The following YTHDC1 variants were observed in gnomAD, a reference collection of about 807,000 sequenced individuals.
YTHDC1 encodes the protein YTH domain-containing protein 1.
Under a neutral mutation model 107.0 loss-of-function variants are expected in YTHDC1, and 12 were observed. That is an observed-to-expected ratio of 0.11 (90% CI 0.07 to 0.18). YTHDC1 has a LOEUF of 0.18. Ranked by LOEUF, YTHDC1 falls within the 10% of genes least tolerant of loss-of-function variation. The pLI is 1.00. For missense variants in YTHDC1, 635 were observed against 898.8 expected, an observed-to-expected ratio of 0.71 and a Z score of 3.75; for synonymous variants, 280 against 289.5, an observed-to-expected ratio of 0.97 and a Z score of 0.33.
At position 68,312,670 on chromosome 4, in the gene YTHDC1, A is replaced by C. The variant is rs1232115265; in HGVS notation, c.*1429T>G. 1 of 152,224 alleles carries C rather than the reference A, an allele frequency of 6.6e-6. No homozygotes were observed. The highest frequency in any genetic ancestry group is 1.5e-5 in the Non-Finnish European group (1 of 68,036). 9.4% of individuals were successfully genotyped at this position (152,224 alleles called of 1,614,324 possible). ...TAACTATAGTTTATTATATCCTTTA[A>C]GAGTAAAGTGCCTGTGTTGTTCTTT... On this transcript the variant is annotated 3_prime_UTR_variant, in exon 17 of 17. Transcript: ENST00000344157.
intron 9 of YTHDC1, among the ~76,000 whole-genome samples, chr4:68,324,946 CTTT>C (rs552376241): frequency 1.6e-4 from 24 of 151,874 alleles, no homozygotes; most frequent in Non-Finnish European, 3.4e-4. Flanking sequence ...TTTTATAGTT[CTTT>C]GTCAACCTAG....
At chr4:68,326,126 G>A (rs988558517) in intron 9 of YTHDC1, among the ~76,000 whole-genome samples, 1 of 152,012 alleles carries the variant, frequency 6.6e-6, no homozygotes, top group Admixed American at 6.6e-5. Flanking sequence ...ATATAAGAAG[G>A]TTATAAATTA....
intron 7 of YTHDC1, 45 bp from the exon 8 acceptor site, chr4:68,330,355 T>G: frequency 7.8e-7 from 1 of 1,289,298 alleles, no homozygotes; most frequent in Non-Finnish European, 1.1e-6. Flanking sequence ...TAACTACAAC[T>G]CTTTTGTGTT....
At chr4:68,334,290 AAAT>A (rs147120017) in intron 4 of YTHDC1, among the ~76,000 whole-genome samples, 1,624 of 152,318 alleles carry the variant, frequency 0.011, 26 homozygotes, top group African/African-American at 0.037. Context: ...GAAAGCTGAA[AAAT>A]AATAATCAGT....
Position 68,318,837 on chromosome 4 carries a change from C to T in YTHDC1, c.1710G>A (p.Gln570=), listed in dbSNP as rs900294829. The change falls in exon 13 of 17, where the codon CAG becomes CAA. Residue 570 remains glutamine, a synonymous_variant. Transcript: ENST00000344157. ...TGAACCCGACTTACCTGTCCACTTC[C>T]TGGTATCGTGGATCCTTTAAATACC... ...RPGYLKDPRY[Q]EVDRRFSGVR... 6.2e-7 allele frequency: 1 copy of T among 1,614,134 alleles called. No individual in the cohort carries two copies. Among genetic ancestry groups the T allele is most frequent in the Non-Finnish European group, 8.5e-7 (1 of 1,180,006 alleles).
At chr4:68,348,908 G>A (rs1011388111) in intron 1 of YTHDC1, among the ~76,000 whole-genome samples, 4 of 152,226 alleles carry the variant, frequency 2.6e-5, no homozygotes, top group African/African-American at 9.6e-5. Context: ...TCTCCAGAGA[G>A]ACACTGATCT....
At chr4:68,329,190 A>T (rs1723313281) in intron 9 of YTHDC1, among the ~76,000 whole-genome samples, 1 of 151,872 alleles carries the variant, frequency 6.6e-6, no homozygotes, top group African/African-American at 2.4e-5. Context: ...TCTCCTTCAT[A>T]AAAAAAGGTA....
At position 68,338,143 on chromosome 4, in the gene YTHDC1, T is replaced by C. The variant is rs1344636909; in HGVS notation, c.130+140A>G. 137 of 1,272,660 alleles carry C rather than the reference T, an allele frequency of 1.1e-4. No homozygotes were observed. In the South Asian group the frequency reaches 1.6e-3, roughly 15 times the overall value. The allele number at this position is 1,272,660 out of a possible 1,614,324, so 78.8% of individuals were successfully genotyped here. A position where few individuals can be genotyped will look rare whatever the true frequency, so the allele number is the denominator to read the frequency against. On this transcript the variant is annotated intron_variant, in intron 2 of 16. Transcript: ENST00000344157. ...AAAAAACAGATTATCCCTATTCATA[T>C]GGATACCAGTTTATTATGTACATTT...
intron 9 of YTHDC1, among the ~76,000 whole-genome samples, chr4:68,327,340 C>G (rs149140001): frequency 2.1e-3 from 315 of 152,268 alleles, no homozygotes; most frequent in African/African-American, 7.1e-3. Flanking sequence ...AAATGTAACT[C>G]TGGATGAATA....
Position 68,332,085 on chromosome 4 carries a change from C to G in YTHDC1, c.1122+18G>C. On this transcript the variant is annotated intron_variant, in intron 7 of 16. Coordinates refer to ENST00000344157, the MANE Select transcript of YTHDC1 (RefSeq NM_001031732.4). ...AATTTTGATATTAGGATAGTTTCAACAGAACTGATGCTAATACCTTCGCTT... is the reference window on the plus strand; with the variant it reads ...AATTTTGATATTAGGATAGTTTCAAGAGAACTGATGCTAATACCTTCGCTT... 1 of 1,529,452 alleles carries G rather than the reference C, an allele frequency of 6.5e-7. No homozygotes were observed. Among genetic ancestry groups the G allele is most frequent in the South Asian group, 1.2e-5 (1 of 82,674 alleles). The allele number at this position is 1,529,452 out of a possible 1,614,324, so 94.7% of individuals were successfully genotyped here.
chr4:68,341,365 C>G (rs1724782737), intron 1 of YTHDC1, among the ~76,000 whole-genome samples: 2 of 152,218 alleles, frequency 1.3e-5, no homozygotes, highest in Admixed American at 6.5e-5. Context: ...ATATCTTTAA[C>G]ATTACAACAT....
chr4:68,333,865 C>T (rs939749161), intron 4 of YTHDC1, among the ~76,000 whole-genome samples: 3 of 152,112 alleles, frequency 2.0e-5, no homozygotes, highest in Non-Finnish European at 4.4e-5. Context: ...CAAAGCTTTA[C>T]AACTGGAAAA....
chr4:68,323,939 T>C (rs1001671779), intron 10 of YTHDC1, among the ~76,000 whole-genome samples, 200 bp downstream of exon 10: 3 of 152,222 alleles, frequency 2.0e-5, no homozygotes, highest in African/African-American at 4.8e-5. Context: ...GAAAGTACCA[T>C]ATAAAGCTGC....
chr4:68,346,650 T>G (rs146688540), intron 1 of YTHDC1, among the ~76,000 whole-genome samples: 120 of 152,338 alleles, frequency 7.9e-4, no homozygotes, highest in Non-Finnish European at 1.4e-3. Context: ...ATTAGTCATT[T>G]AGTAACTGTC....
Position 68,349,781 on chromosome 4 carries a change from ACCG to A in YTHDC1, c.-31_-29del. On this transcript the variant is annotated 5_prime_UTR_variant, in exon 1 of 17. Coordinates refer to ENST00000344157, the MANE Select transcript of YTHDC1 (RefSeq NM_001031732.4). ...CTCCCCTTCGGTTTCCGCCGCTGCCACCGCCGCCGCCGCTTAGACGCGACTCGC... is the reference window on the plus strand; with the variant it reads ...CTCCCCTTCGGTTTCCGCCGCTGCCACCGCCGCCGCTTAGACGCGACTCGC... 1 of 1,610,852 alleles carries A rather than the reference ACCG, an allele frequency of 6.2e-7. No individual in the cohort carries two copies. The highest frequency in any genetic ancestry group is 1.7e-5 in the Admixed American group (1 of 59,940).
chr4:68,318,440 A>G, intron 15 of YTHDC1, 79 bp downstream of exon 15: 4 of 1,368,930 alleles, frequency 2.9e-6, no homozygotes, highest in Non-Finnish European at 4.0e-6. Flanking sequence ...AACTGTAACA[A>G]TCATATTCCG....
chr4:68,347,024 T>A (rs746194747), intron 1 of YTHDC1, among the ~76,000 whole-genome samples: 2 of 152,218 alleles, frequency 1.3e-5, no homozygotes, highest in Non-Finnish European at 2.9e-5. Flanking sequence ...GTTATCATAC[T>A]GCACATGTCA....
At position 68,340,964 on chromosome 4, in the gene YTHDC1, C is replaced by T. The variant is rs116330175; in HGVS notation, c.29-2580G>A. On this transcript the variant is annotated intron_variant, in intron 1 of 16. Transcript: ENST00000344157. Reference sequence around the variant, plus strand: ...GTTTTAACGAATTCAAATTCAGATACTGGTTGTAGTTTTAGAAAGCACCTA... The same window carrying T: ...GTTTTAACGAATTCAAATTCAGATATTGGTTGTAGTTTTAGAAAGCACCTA... Among the ~76,000 whole-genome samples, 901 of 152,198 alleles carry T rather than the reference C, an allele frequency of 5.9e-3. 11 individuals carry two copies. Among genetic ancestry groups the T allele is most frequent in the African/African-American group, 0.02 (850 of 41,550 alleles).
At position 68,349,981 on chromosome 4, in the gene YTHDC1, A is replaced by G. The variant is rs1278335593; in HGVS notation, c.-228T>C. The G allele has an allele frequency of 1.6e-6, 1 of 627,110 alleles. No homozygotes were observed. The highest frequency in any genetic ancestry group is 2.8e-6 in the Non-Finnish European group (1 of 361,496). 38.8% of individuals were successfully genotyped at this position (627,110 alleles called of 1,614,324 possible). A position where few individuals can be genotyped will look rare whatever the true frequency, so the allele number is the denominator to read the frequency against. On this transcript the variant is annotated 5_prime_UTR_variant, in exon 1 of 17. Transcript: ENST00000344157. ...GCGGCCTAGGCCCAGCCTTCTCGTT[A>G]GGGCTCAGACTCGGGCTAGGTATGG...
Sources: allele counts gnomAD v4.1 joint callset (sites outside exome capture counted in the v4.1 genomes callset), GRCh38; gene constraint gnomAD v4.1.1; transcripts MANE v1.5; gene names NCBI Gene and HGNC (gene_info 2026-07-23, HGNC 2026-07-21).